SNX29: variants seen among roughly 807,000 people sequenced by gnomAD.
SNX29 encodes sorting nexin-29.
A neutral mutation model predicts 102.1 loss-of-function variants in SNX29; 78 were observed. That is an observed-to-expected ratio of 0.76 (90% confidence interval 0.64 to 0.92). The LOEUF is 0.92. SNX29 is among the 40% of genes least tolerant of loss of function. The probability of loss-of-function intolerance (pLI) is 0.00; values close to 1 mark genes in which losing one functional copy is unlikely to be tolerated. For synonymous variants in SNX29, 580 were observed against 414.5 expected, an observed-to-expected ratio of 1.40 and a Z score of -4.85; for missense variants, 1,280 against 1,061.7, an observed-to-expected ratio of 1.21 and a Z score of -2.86.
chr16:12,293,066 G>A (rs949208744), intron 15 of SNX29, among the ~76,000 whole-genome samples: 2 of 152,154 alleles, frequency 1.3e-5, no homozygotes, highest in Non-Finnish European at 2.9e-5. Flanking sequence ...CATGTACTAT[G>A]TGTCAAACAT....
chr16:12,193,784 G>A (rs996319373), intron 13 of SNX29, among the ~76,000 whole-genome samples: 3 of 152,076 alleles, frequency 2.0e-5, no homozygotes, highest in Non-Finnish European at 4.4e-5. Flanking sequence ...TCCTACCTTC[G>A]TCACATTGCT....
chr16:12,363,899 A>C (rs983942859), intron 16 of SNX29, among the ~76,000 whole-genome samples: 1 of 152,146 alleles, frequency 6.6e-6, no homozygotes, highest in Non-Finnish European at 1.5e-5. Flanking sequence ...CAAAATCCAA[A>C]ATTTTTTGGG....
chr16:12,438,371 CT>C (rs2085635314), intron 18 of SNX29, among the ~76,000 whole-genome samples: 1 of 152,136 alleles, frequency 6.6e-6, no homozygotes. Context: ...TTTCTTTCTG[CT>C]GGTGTCCTTC....
chr16:12,546,974 C>G (rs184521412), intron 20 of SNX29, among the ~76,000 whole-genome samples: 5 of 152,292 alleles, frequency 3.3e-5, no homozygotes, highest in South Asian at 2.1e-4. Context: ...ACCCATTCCT[C>G]CAATTAGTAC....
chr16:12,501,361 A>G (rs1305080266), intron 19 of SNX29, among the ~76,000 whole-genome samples: 1 of 152,148 alleles, frequency 6.6e-6, no homozygotes, highest in Non-Finnish European at 1.5e-5. Flanking sequence ...CTAGGGTTGC[A>G]CCACTACACT....
At chr16:12,250,050 C>T (rs2078376147) in intron 14 of SNX29, among the ~76,000 whole-genome samples, 1 of 152,140 alleles carries the variant, frequency 6.6e-6, no homozygotes, top group African/African-American at 2.4e-5. Context: ...GCCAGGGGAG[C>T]CCAGAGCAGG....
At position 12,572,118 on chromosome 16, in the gene SNX29, C is replaced by A; in HGVS notation, c.*3489C>A. The stretch of plus-strand genomic sequence containing the variant: ...ATGTGGACTGGGTCTGATCACAGCC[C>A]TTGGCCCTGCTTCATACTTTGGAGC... On this transcript the variant is annotated 3_prime_UTR_variant, in exon 21 of 21. Coordinates refer to ENST00000566228, the MANE Select transcript of SNX29 (RefSeq NM_032167.5). 1 of 1,037,272 alleles carries A rather than the reference C, an allele frequency of 9.6e-7. No homozygotes were observed. Among genetic ancestry groups the A allele is most frequent in the Non-Finnish European group, 1.2e-6 (1 of 854,186 alleles). The allele number at this position is 1,037,272 out of a possible 1,614,324, so 64.3% of individuals were successfully genotyped here.
chr16:12,120,400 A>T (rs566992513), intron 11 of SNX29, among the ~76,000 whole-genome samples: 1 of 152,246 alleles, frequency 6.6e-6, no homozygotes, highest in Non-Finnish European at 1.5e-5. Flanking sequence ...ATCTATGTAT[A>T]TATGTGAGAG....
Position 12,078,909 on chromosome 16 carries a change from A to G in SNX29, c.1396A>G (p.Thr466Ala), listed in dbSNP as rs1266505916. The G allele has an allele frequency of 1.9e-6, 3 of 1,601,428 alleles. No individual in the cohort carries two copies. The highest frequency in any genetic ancestry group is 2.6e-6 in the Non-Finnish European group (3 of 1,174,204). The part of the protein sequence containing the change: ...LPSASVPESM[T>A]ISELRQATVA... ...TTCTGCCTCAGTGCCAGAGTCCATG[A>G]CAATTAGTAAGTACTTTCGCAGCCC... Residue 466 changes from threonine to alanine, a missense_variant, in exon 11 of 21, where the codon ACA becomes GCA. Thr to Ala is a moderately conservative substitution (Grantham distance 58). Transcript: ENST00000566228.
chr16:12,163,602 G>A (rs2055886377), intron 13 of SNX29, among the ~76,000 whole-genome samples: 1 of 152,186 alleles, frequency 6.6e-6, no homozygotes, highest in African/African-American at 2.4e-5. Flanking sequence ...GGAGGGGCTG[G>A]TGGCAACAGG....
At chr16:12,222,326 C>T (rs1184196083) in intron 14 of SNX29, among the ~76,000 whole-genome samples, 4 of 152,170 alleles carry the variant, frequency 2.6e-5, no homozygotes, top group Admixed American at 2.0e-4. Context: ...CTCAAACAAG[C>T]GGGCTTGAAA....
intron 13 of SNX29, among the ~76,000 whole-genome samples, chr16:12,171,081 C>T (rs997919817): frequency 8.6e-5 from 13 of 152,020 alleles, no homozygotes; most frequent in African/African-American, 2.7e-4. Context: ...TGCTTGTTTG[C>T]GGTCTATAAT....
chr16:12,087,792 GC>G (rs1366443967), intron 11 of SNX29: 1 of 452,404 alleles, frequency 2.2e-6, no homozygotes. Context: ...AACTTCTGGG[GC>G]TGCAGCTTCC....
chr16:12,542,345 CAAAAG>C (rs994465485), intron 20 of SNX29, among the ~76,000 whole-genome samples: 9 of 152,178 alleles, frequency 5.9e-5, no homozygotes, highest in African/African-American at 1.4e-4. Context: ...GAGATTGTCT[CAAAAG>C]AAAAAGTTAG....
intron 16 of SNX29, among the ~76,000 whole-genome samples, chr16:12,371,293 C>A (rs1483239567): frequency 6.6e-6 from 1 of 151,392 alleles, no homozygotes; most frequent in Non-Finnish European, 1.5e-5. Flanking sequence ...TTCCCTCTTT[C>A]CTTCCTTTCC....
chr16:12,054,295 T>C (rs2050430441), intron 8 of SNX29, among the ~76,000 whole-genome samples: 1 of 152,238 alleles, frequency 6.6e-6, no homozygotes, highest in Non-Finnish European at 1.5e-5. Context: ...ATGTTTCTAC[T>C]TAATTATGAA....
chr16:12,285,060 C>T (rs1426687425), intron 15 of SNX29, among the ~76,000 whole-genome samples: 1 of 152,190 alleles, frequency 6.6e-6, no homozygotes, highest in Non-Finnish European at 1.5e-5. Context: ...GATTTCCCCA[C>T]TTTTCTGCCT....
chr16:12,317,002 T>G (rs539340901), intron 15 of SNX29, among the ~76,000 whole-genome samples: 2 of 152,350 alleles, frequency 1.3e-5, no homozygotes, highest in African/African-American at 4.8e-5. Flanking sequence ...TCACATTCAG[T>G]GATTCCTTTA....
At chr16:12,541,890 G>T (rs1420457724) in intron 20 of SNX29, among the ~76,000 whole-genome samples, 1 of 152,154 alleles carries the variant, frequency 6.6e-6, no homozygotes, top group Non-Finnish European at 1.5e-5. Flanking sequence ...GAATGTTTAT[G>T]ATGATGCAAC....
Sources: allele counts gnomAD v4.1 joint callset (sites outside exome capture counted in the v4.1 genomes callset), GRCh38; gene constraint gnomAD v4.1.1; transcripts MANE v1.5; gene names NCBI Gene and HGNC (gene_info 2026-07-23, HGNC 2026-07-21).